Variants in PRKX observed in about 807,000 individuals in gnomAD.
PRKX encodes the protein cAMP-dependent protein kinase catalytic subunit PRKX.
Under a neutral mutation model 22.0 loss-of-function variants are expected in PRKX, and 12 were observed. The ratio of observed to expected loss-of-function variants is 0.54; its 90% confidence interval spans 0.35 to 0.88. The LOEUF (loss-of-function observed/expected upper bound fraction) is 0.88, where lower values mean the gene tolerates loss of function less well. Among genes scored for constraint, PRKX ranks in the 40% least tolerant of loss-of-function variants. PRKX has a pLI of 0.01. For missense variants in PRKX, 217 were observed against 308.0 expected (o/e 0.70, Z 2.21); for synonymous variants, 134 against 137.7 (o/e 0.97, Z 0.19).
intron 6 of PRKX, among the ~76,000 whole-genome samples, chrX:3,618,687 C>A (rs1219921943): frequency 9.0e-6 from 1 of 111,594 alleles, no homozygotes; most frequent in Admixed American, 9.6e-5. Context: ...TATCAGGAAG[C>A]TTTAACTAGA....
rs767109270 is a variant in PRKX at position 3,667,310 on chromosome X, C to A, written c.335+7288G>T. On this transcript the variant is annotated intron_variant, in intron 2 of 8. Transcript: ENST00000262848. ...AATCAGCCTCACTAATTTGGAGACG[C>A]CTTACCGTAGAAGTTGGTCCTCCTC... is the stretch of plus-strand genomic sequence containing the variant. The A allele has an allele frequency of 1.0e-3, 117 of 111,779 alleles. 1 individual carries two copies. Among genetic ancestry groups the A allele is most frequent in the African/African-American group, 3.6e-3 (110 of 30,754 alleles). The allele number at this position is 111,779 out of a possible 1,213,427, so 9.2% of individuals were successfully genotyped here.
At chrX:3,702,678 G>C (rs1229995306) in intron 1 of PRKX, among the ~76,000 whole-genome samples, 1 of 100,594 alleles carries the variant, frequency 9.9e-6, no homozygotes, top group South Asian at 4.8e-4. Flanking sequence ...TTGTATAGAA[G>C]GAAGGTCTAT....
chrX:3,631,526 T>C (rs1481666886), intron 4 of PRKX, among the ~76,000 whole-genome samples: 1 of 110,387 alleles, frequency 9.1e-6, no homozygotes, highest in East Asian at 2.9e-4. Context: ...GTGTAGTGGA[T>C]TGAACTGTGG....
intron 3 of PRKX, among the ~76,000 whole-genome samples, chrX:3,642,720 C>T (rs1208020030): frequency 9.1e-6 from 1 of 109,750 alleles, no homozygotes; most frequent in African/African-American, 3.3e-5. Context: ...TCGCTTAGGC[C>T]GGGCATGGTG....
At position 3,615,850 on chromosome X, in the gene PRKX, C is replaced by T. The variant is rs370229338; in HGVS notation, c.916G>A (p.Val306Met). 12 of 1,207,362 alleles carry T rather than the reference C, an allele frequency of 9.9e-6. No homozygotes were observed. In the South Asian group the frequency reaches 1.1e-4, roughly 11 times the overall value. ...CTCTGCGGAACAGCTTCCCAGTCCA[C>T]GGAGCGGAACCACCGATGATGCTTC... ...DVKHHRWFRS[V>M]DWEAVPQRKL... The change falls in exon 7 of 9, where the codon GTG becomes ATG. Residue 306 changes from valine (V) to methionine (M), a missense_variant. Transcript: ENST00000262848.
chrX:3,657,107 G>A (rs903457230), intron 2 of PRKX, among the ~76,000 whole-genome samples: 1 of 112,138 alleles, frequency 8.9e-6, no homozygotes, highest in Non-Finnish European at 1.9e-5. Flanking sequence ...TGGAAAGGAC[G>A]TATTCAGACA....
chrX:3,628,683 C>G (rs1041098951), intron 4 of PRKX, among the ~76,000 whole-genome samples: 4 of 111,296 alleles, frequency 3.6e-5, no homozygotes, highest in Admixed American at 1.9e-4. Flanking sequence ...CTGCAGTGAG[C>G]TGTGATCACA....
At position 3,655,352 on chromosome X, in the gene PRKX, G is replaced by A. The variant is rs766441948; in HGVS notation, c.396C>T (p.Gly132=). Residue 132 remains glycine, a synonymous_variant, in exon 3 of 9, where the codon GGC becomes GGT. Transcript: ENST00000262848. ...LYMLMEYVPG[G]ELFSYLRNRG... Reference sequence around the variant, plus strand: ...GGTTGCGCAGGTAGCTGAAGAGCTCGCCGCCCGGCACGTACTCCATGAGCA... The same window carrying A: ...GGTTGCGCAGGTAGCTGAAGAGCTCACCGCCCGGCACGTACTCCATGAGCA... The A allele has an allele frequency of 4.0e-5, 48 of 1,210,751 alleles. No individual in the cohort carries two copies. The highest frequency in any genetic ancestry group is 5.3e-5 in the South Asian group (3 of 56,881).
intron 4 of PRKX, among the ~76,000 whole-genome samples, chrX:3,640,450 G>T (rs779437259): frequency 2.7e-5 from 3 of 112,209 alleles, no homozygotes; most frequent in African/African-American, 9.7e-5. Context: ...TGACGCCCAC[G>T]TCCTGGGTTT....
In PRKX at chrX:3,686,321, T is replaced by C. The variant is rs187346816; in HGVS notation, c.167-11555A>G. Among the ~76,000 whole-genome samples the C allele has an allele frequency of 3.6e-4, 40 of 110,940 alleles. No homozygotes were observed. The East Asian group carries it at 0.011, about 32-fold the overall frequency. On this transcript the variant is annotated intron_variant, in intron 1 of 8. Transcript: ENST00000262848. ...CAAAACATAAGTCTTAAGATGCCCA[T>C]TGAAGACACGTAGGCAGGTTCCATC...
intron 1 of PRKX, among the ~76,000 whole-genome samples, chrX:3,684,073 A>C (rs1339097970): frequency 1.8e-5 from 2 of 111,012 alleles, no homozygotes; most frequent in African/African-American, 6.6e-5. Context: ...CAACATGGTG[A>C]AACCCCGTCT....
At chrX:3,674,907 G>A (rs1927919753) in intron 1 of PRKX, 141 bp from the exon 2 acceptor site, 1 of 653,732 alleles carries the variant, frequency 1.5e-6, no homozygotes, top group Admixed American at 2.9e-5. Context: ...TTGTGTCATG[G>A]TGCACGTGGG....
At chrX:3,679,637 TAAC>T (rs939695682) in intron 1 of PRKX, among the ~76,000 whole-genome samples, 13 of 112,129 alleles carry the variant, frequency 1.2e-4, no homozygotes, top group Admixed American at 4.7e-4. Context: ...CTTGTCTTGA[TAAC>T]AACATCCAGC....
chrX:3,610,839 A>G (rs1926280533), intron 8 of PRKX: 1 of 111,796 alleles, frequency 8.9e-6, no homozygotes, highest in Admixed American at 9.6e-5. Context: ...ACATCATTTT[A>G]AAGATTTCCT....
intron 2 of PRKX, among the ~76,000 whole-genome samples, chrX:3,668,483 T>C (rs780162007): frequency 1.8e-5 from 2 of 111,901 alleles, no homozygotes; most frequent in South Asian, 7.5e-4. Flanking sequence ...CCCCAACAAG[T>C]ACCAATGACA....
chrX:3,689,754 G>T (rs188354777), intron 1 of PRKX, among the ~76,000 whole-genome samples: 34 of 111,874 alleles, frequency 3.0e-4, no homozygotes, highest in African/African-American at 9.4e-4. Context: ...AAGGCGGGCG[G>T]ATCACAAGGT....
At chrX:3,653,337 G>A (rs190563941) in intron 3 of PRKX, among the ~76,000 whole-genome samples, 33 of 109,958 alleles carry the variant, frequency 3.0e-4, no homozygotes, top group African/African-American at 5.0e-4. Flanking sequence ...AGAATCTGTC[G>A]CACCTCGATC....
At chrX:3,696,338 C>T (rs977796455) in intron 1 of PRKX, among the ~76,000 whole-genome samples, 1 of 111,707 alleles carries the variant, frequency 9.0e-6, no homozygotes, top group African/African-American at 3.3e-5. Context: ...GATGACATTA[C>T]ACCCCATAAA....
chrX:3,663,630 TAAAAAAAAAA>T (rs780899033), intron 2 of PRKX, among the ~76,000 whole-genome samples: 1 of 66,224 alleles, frequency 1.5e-5, no homozygotes, highest in Non-Finnish European at 2.9e-5. Flanking sequence ...CCACATCTCT[TAAAAAAAAAA>T]AAAAAAAAAA....
Sources: allele counts gnomAD v4.1 joint callset (sites outside exome capture counted in the v4.1 genomes callset), GRCh38; gene constraint gnomAD v4.1.1; transcripts MANE v1.5; gene names NCBI Gene and HGNC (gene_info 2026-07-23, HGNC 2026-07-21).